Variants in LARP1 observed in about 807,000 individuals in gnomAD.
LARP1 encodes la-related protein 1.
Under a neutral mutation model 122.7 loss-of-function variants are expected in LARP1, and 36 were observed. That is an observed-to-expected ratio of 0.29 (90% confidence interval 0.22 to 0.39). The LOEUF (loss-of-function observed/expected upper bound fraction) is 0.39, where lower values mean the gene tolerates loss of function less well. Among genes scored for constraint, LARP1 ranks in the 10% least tolerant of loss-of-function variants. LARP1 has a pLI of 1.00. For missense variants in LARP1, 1,040 were observed against 1,403.6 expected (o/e 0.74, Z 4.14); for synonymous variants, 539 against 528.7 (o/e 1.02, Z -0.27).
intron 1 of LARP1, among the ~76,000 whole-genome samples, chr5:154,780,390 C>T (rs1391843946): frequency 4.6e-5 from 7 of 152,166 alleles, no homozygotes; most frequent in East Asian, 1.9e-4. Context: ...TTGACAGTAT[C>T]GGTAATTTTG....
chr5:154,749,748 G>T (rs1408088398), intron 1 of LARP1, among the ~76,000 whole-genome samples: 1 of 152,148 alleles, frequency 6.6e-6, no homozygotes, highest in Non-Finnish European at 1.5e-5. Context: ...TACCCAAGGG[G>T]CCCCATAGCA....
intron 1 of LARP1, among the ~76,000 whole-genome samples, chr5:154,723,971 A>T (rs1305836797): frequency 6.6e-6 from 1 of 152,228 alleles, no homozygotes; most frequent in African/African-American, 2.4e-5. Context: ...ACCCCTAAGC[A>T]GTGAGGGCTA....
At chr5:154,790,922 A>T (rs1262840387) in intron 3 of LARP1, among the ~76,000 whole-genome samples, 1 of 151,586 alleles carries the variant, frequency 6.6e-6, no homozygotes, top group Non-Finnish European at 1.5e-5. Flanking sequence ...GGTTCAAGTG[A>T]TTCTCCTCCC....
intron 1 of LARP1, among the ~76,000 whole-genome samples, chr5:154,716,592 G>C (rs1003655671): frequency 6.6e-6 from 1 of 151,950 alleles, no homozygotes. Context: ...GGGATTACAA[G>C]CATGCACCAC....
intron 1 of LARP1, among the ~76,000 whole-genome samples, chr5:154,686,416 GA>G (rs1408721482): frequency 1.3e-5 from 2 of 152,142 alleles, no homozygotes; most frequent in Non-Finnish European, 2.9e-5. Flanking sequence ...GGTGCAGAGG[GA>G]AAAAAGTTCA....
rs75534651 is a variant in LARP1, at chr5:154,805,444, T to C, written c.2547-437T>C. Among the ~76,000 whole-genome samples, 215 of 151,876 alleles carry C rather than the reference T, an allele frequency of 1.4e-3. 4 individuals are homozygous for C. In the East Asian group the frequency reaches 0.039, roughly 28 times the overall value. On this transcript the variant is annotated intron_variant, in intron 14 of 18. Transcript: ENST00000518297. ...GGGGTTGGTCTTGCTGTCTCAAGAG[T>C]GGCAAAGGTGGAAGAAATCTGCGTA...
At chr5:154,789,810 A>G (rs1204035170) in intron 1 of LARP1, among the ~76,000 whole-genome samples, 2 of 152,188 alleles carry the variant, frequency 1.3e-5, no homozygotes, top group Admixed American at 1.3e-4. Flanking sequence ...ATGTTTCCTG[A>G]GCAGCTGGCC....
At chr5:154,715,175 G>C (rs923050982) in intron 1 of LARP1, among the ~76,000 whole-genome samples, 37 of 150,316 alleles carry the variant, frequency 2.5e-4, no homozygotes, top group African/African-American at 8.8e-4. Flanking sequence ...GCGAGACTCT[G>C]TCTCAAAAAA....
intron 1 of LARP1, among the ~76,000 whole-genome samples, chr5:154,723,275 G>A (rs574393448): frequency 6.6e-6 from 1 of 152,318 alleles, no homozygotes; most frequent in South Asian, 2.1e-4. Context: ...TTTTCAGCTG[G>A]GGAACAGTGA....
At chr5:154,770,232 A>ATTT (rs113245853) in intron 1 of LARP1, among the ~76,000 whole-genome samples, 1 of 141,272 alleles carries the variant, frequency 7.1e-6, no homozygotes, top group Non-Finnish European at 1.6e-5. Context: ...CTTGGGCCTG[A>ATTT]TTTTTTTTTT....
At chr5:154,811,748 C>G in intron 18 of LARP1, 108 bp downstream of exon 18, 2 of 1,308,890 alleles carry the variant, frequency 1.5e-6, no homozygotes, top group South Asian at 1.3e-5. Context: ...AGGAACCCCT[C>G]TCCCTGCTCC....
At chr5:154,733,320 A>G (rs751281064) in intron 1 of LARP1, among the ~76,000 whole-genome samples, 1 of 152,234 alleles carries the variant, frequency 6.6e-6, no homozygotes, top group African/African-American at 2.4e-5. Flanking sequence ...AGGCTTTGGC[A>G]TCAGACTGCT....
At chr5:154,793,068 C>A (rs535516966) in intron 4 of LARP1, among the ~76,000 whole-genome samples, 16 of 152,292 alleles carry the variant, frequency 1.1e-4, no homozygotes, top group African/African-American at 3.6e-4. Flanking sequence ...TTTGATGTAA[C>A]AGCTTGGTGT....
chr5:154,799,542 CT>C (rs1758174717), intron 8 of LARP1, 48 bp from the exon 9 acceptor site: 1 of 1,592,796 alleles, frequency 6.3e-7, no homozygotes. Context: ...CAAGATCTTT[CT>C]GTCCAAGATT....
intron 1 of LARP1, among the ~76,000 whole-genome samples, chr5:154,725,360 G>T (rs898159374): frequency 6.8e-6 from 1 of 147,296 alleles, no homozygotes; most frequent in Non-Finnish European, 1.5e-5. Context: ...CTGTACTCCA[G>T]CCTGGGTGAC....
intron 1 of LARP1, among the ~76,000 whole-genome samples, chr5:154,778,914 G>C (rs1756151174): frequency 6.6e-6 from 1 of 152,170 alleles, no homozygotes; most frequent in Non-Finnish European, 1.5e-5. Flanking sequence ...GTATGTCCCA[G>C]TATTGCATGG....
At chr5:154,761,271 G>A (rs561534441) in intron 1 of LARP1, among the ~76,000 whole-genome samples, 23 of 152,264 alleles carry the variant, frequency 1.5e-4, no homozygotes, top group African/African-American at 5.3e-4. Context: ...GTAGGGGAAG[G>A]TTTTTAGGAA....
intron 1 of LARP1, among the ~76,000 whole-genome samples, chr5:154,721,483 C>T (rs1454812390): frequency 6.6e-6 from 1 of 152,024 alleles, no homozygotes; most frequent in Non-Finnish European, 1.5e-5. Flanking sequence ...AGGGGTCCTA[C>T]GTTACCGTTA....
At position 154,803,198 on chromosome 5, in the gene LARP1, C is replaced by G. The variant is rs777620635; in HGVS notation, c.2110-92C>G. The stretch of plus-strand genomic sequence containing the variant: ...CACGTATGTCGACGTGGGAGCTGCC[C>G]TCTCCAACTTCCTGCCAGTCTTGAT... On this transcript the variant is annotated intron_variant, in intron 11 of 18. Coordinates refer to ENST00000518297, the MANE Select transcript of LARP1 (RefSeq NM_033551.3). This position sits in a 1 kb window ranked among gnomAD's most constrained non-coding sequence, Gnocchi z 4.4. The G allele has an allele frequency of 3.2e-6, 5 of 1,548,622 alleles. No homozygotes were observed. Among genetic ancestry groups the G allele is most frequent in the Non-Finnish European group, 4.4e-6 (5 of 1,125,956 alleles).
Sources: allele counts gnomAD v4.1 joint callset (sites outside exome capture counted in the v4.1 genomes callset), GRCh38; gene constraint gnomAD v4.1.1; non-coding constraint Gnocchi (gnomAD v3.1); transcripts MANE v1.5; gene names NCBI Gene and HGNC (gene_info 2026-07-23, HGNC 2026-07-21).